Variants in LARGE1 observed in about 807,000 individuals in gnomAD.
LARGE1 encodes the protein xylosyl- and glucuronyltransferase LARGE1.
Under a neutral mutation model 87.6 loss-of-function variants are expected in LARGE1, and 43 were observed. The ratio of observed to expected loss-of-function variants is 0.49; its 90% confidence interval spans 0.38 to 0.63. The LOEUF (loss-of-function observed/expected upper bound fraction) is 0.63, where lower values mean the gene tolerates loss of function less well. LARGE1 is among the 30% of genes least tolerant of loss of function. The pLI is 0.00. For synonymous variants in LARGE1, 434 were observed against 394.6 expected, an observed-to-expected ratio of 1.10 and a Z score of -1.18; for missense variants, 802 against 1,000.2, an observed-to-expected ratio of 0.80 and a Z score of 2.67.
At chr22:33,338,648 A>G (rs1275387454) in intron 9 of LARGE1, among the ~76,000 whole-genome samples, 2 of 152,234 alleles carry the variant, frequency 1.3e-5, no homozygotes, top group Non-Finnish European at 2.9e-5. Flanking sequence ...AAACAAGTTC[A>G]TGCCTATAAA....
intron 1 of LARGE1, among the ~76,000 whole-genome samples, chr22:33,764,163 A>T (rs1047075436): frequency 1.3e-5 from 2 of 151,806 alleles, no homozygotes; most frequent in East Asian, 3.9e-4. Context: ...TGAGGTTTTC[A>T]TCTCTCTCTA....
chr22:33,425,368 G>GT (rs1185811787), intron 7 of LARGE1, among the ~76,000 whole-genome samples: 1 of 152,206 alleles, frequency 6.6e-6, no homozygotes. Context: ...AAACAAGAAA[G>GT]TAAGTCCTCA....
chr22:33,422,604 G>A (rs1342123257), intron 7 of LARGE1, among the ~76,000 whole-genome samples: 2 of 151,280 alleles, frequency 1.3e-5, no homozygotes, highest in African/African-American at 2.4e-5. Context: ...CCAACTCCTT[G>A]GTTTAAGAGA....
intron 1 of LARGE1, among the ~76,000 whole-genome samples, chr22:33,871,938 T>A (rs1235558177): frequency 7.2e-6 from 1 of 138,884 alleles, no homozygotes; most frequent in Non-Finnish European, 1.5e-5. Context: ...TTAATTGATC[T>A]AAACAGTCTC....
At chr22:33,449,919 AC>A (rs2067843551) in intron 6 of LARGE1, among the ~76,000 whole-genome samples, 1 of 151,008 alleles carries the variant, frequency 6.6e-6, no homozygotes, top group Non-Finnish European at 1.5e-5. Flanking sequence ...AGGCTTTTGT[AC>A]TTTTTTTTTT....
At chr22:33,813,083 A>G (rs2086547162) in intron 1 of LARGE1, among the ~76,000 whole-genome samples, 1 of 152,058 alleles carries the variant, frequency 6.6e-6, no homozygotes, top group Non-Finnish European at 1.5e-5. Flanking sequence ...GGCCGGGCGC[A>G]GTGGCTCACC....
chr22:33,507,772 A>G (rs961497354), intron 6 of LARGE1, among the ~76,000 whole-genome samples: 3 of 152,222 alleles, frequency 2.0e-5, no homozygotes, highest in African/African-American at 7.2e-5. Context: ...TGGAAGACAC[A>G]CATTCATGAC....
intron 6 of LARGE1, among the ~76,000 whole-genome samples, chr22:33,524,140 A>C (rs930130126): frequency 2.0e-5 from 3 of 151,890 alleles, no homozygotes; most frequent in African/African-American, 7.3e-5. Context: ...AAAATACAAA[A>C]ATTAGCAGGG....
chr22:33,408,986 G>A (rs1350598419), intron 7 of LARGE1, among the ~76,000 whole-genome samples: 3 of 152,062 alleles, frequency 2.0e-5, no homozygotes, highest in Admixed American at 6.6e-5. Context: ...CATTGAGCTC[G>A]GTATGAAGTC....
At chr22:33,281,754 T>G (rs1930486551) in intron 13 of LARGE1, among the ~76,000 whole-genome samples, 1 of 152,132 alleles carries the variant, frequency 6.6e-6, no homozygotes, top group South Asian at 2.1e-4. Context: ...GGAGTTTGAG[T>G]CTTGGCTCTA....
chr22:33,541,258 C>T (rs932048775), intron 6 of LARGE1, among the ~76,000 whole-genome samples: 80 of 148,012 alleles, frequency 5.4e-4, no homozygotes, highest in African/African-American at 1.9e-3. Context: ...ACCAAGATTA[C>T]GGAGCCGGGG....
chr22:33,535,230 G>A (rs902739690), intron 6 of LARGE1, among the ~76,000 whole-genome samples: 2 of 152,182 alleles, frequency 1.3e-5, no homozygotes, highest in South Asian at 2.1e-4. Context: ...GAGCCACGCT[G>A]ATGCTGTGGG....
intron 7 of LARGE1, among the ~76,000 whole-genome samples, chr22:33,420,728 T>G (rs1422214770): frequency 6.6e-6 from 1 of 152,218 alleles, no homozygotes; most frequent in African/African-American, 2.4e-5. Context: ...GCACATTGCA[T>G]GTGCTAGATG....
At chr22:33,553,878 C>T (rs183225355) in intron 6 of LARGE1, among the ~76,000 whole-genome samples, 80 of 152,212 alleles carry the variant, frequency 5.3e-4, no homozygotes, top group African/African-American at 1.7e-3. Context: ...AAGGGTCCTC[C>T]AGCTCACCTC....
At chr22:33,810,220 G>C (rs1218094489) in intron 1 of LARGE1, among the ~76,000 whole-genome samples, 1 of 152,200 alleles carries the variant, frequency 6.6e-6, no homozygotes, top group Admixed American at 6.5e-5. Flanking sequence ...TGCAGGTAAA[G>C]AAATTGGTTG....
intron 9 of LARGE1, among the ~76,000 whole-genome samples, chr22:33,351,316 A>G (rs1410264949): frequency 2.0e-5 from 3 of 152,260 alleles, no homozygotes; most frequent in Non-Finnish European, 4.4e-5. Context: ...ATGTAGCTGC[A>G]TCAATGCAGA....
intron 1 of LARGE1, among the ~76,000 whole-genome samples, chr22:33,776,009 T>C (rs2085224109): frequency 6.6e-6 from 1 of 152,120 alleles, no homozygotes; most frequent in Non-Finnish European, 1.5e-5. Context: ...TGAGAAAACC[T>C]GGTTTAAGGC....
At chr22:33,302,162 T>A (rs1214299416) in intron 12 of LARGE1, among the ~76,000 whole-genome samples, 1 of 152,200 alleles carries the variant, frequency 6.6e-6, no homozygotes, top group African/African-American at 2.4e-5. Flanking sequence ...AGTTTCAGAA[T>A]CTGCAGGCAT....
chr22:33,173,400 A>G (rs903848996), intron 11 of LARGE1, among the ~76,000 whole-genome samples: 8 of 152,216 alleles, frequency 5.3e-5, no homozygotes, highest in African/African-American at 1.9e-4. Flanking sequence ...GCAAAAACAG[A>G]CCAAATTGTA....
Sources: gnomAD v4.1 joint callset for allele counts (sites outside exome capture counted in the v4.1 genomes callset) on GRCh38, gnomAD v4.1.1 for gene constraint, MANE v1.5 for transcripts, NCBI Gene and HGNC (gene_info 2026-07-23, HGNC 2026-07-21) for gene names.